The following EXOC2 variants were observed in gnomAD, a reference collection of about 807,000 sequenced individuals.
EXOC2 encodes the protein exocyst complex component 2.
EXOC2 carries 70 observed loss-of-function variants against 131.8 expected under a neutral mutation model. The observed-to-expected ratio is 0.53, with a 90% CI of 0.44 to 0.65. The LOEUF is 0.65. Among genes scored for constraint, EXOC2 ranks in the 30% least tolerant of loss-of-function variants. EXOC2 has a pLI of 0.00. For synonymous variants in EXOC2, 411 were observed against 398.4 expected (o/e 1.03, Z -0.38); for missense variants, 923 against 1,108.6 (o/e 0.83, Z 2.38).
intron 25 of EXOC2, among the ~76,000 whole-genome samples, chr6:496,450 G>A (rs775523251): frequency 3.3e-5 from 5 of 152,110 alleles, no homozygotes; most frequent in African/African-American, 9.7e-5. Flanking sequence ...TCTAGCCTTC[G>A]CTGGGCTGGC....
chr6:560,770 C>T (rs772917582), intron 17 of EXOC2, among the ~76,000 whole-genome samples: 27 of 151,264 alleles, frequency 1.8e-4, no homozygotes, highest in Non-Finnish European at 3.5e-4. Context: ...TGCAATGGCG[C>T]GGTCTCGGCT....
At chr6:618,006 C>A (rs182117178) in intron 5 of EXOC2, among the ~76,000 whole-genome samples, 171 bp from the exon 6 acceptor site, 1 of 152,334 alleles carries the variant, frequency 6.6e-6, no homozygotes, top group Admixed American at 6.5e-5. Context: ...TTGCGTAGAT[C>A]TAAACCTTTT....
chr6:553,866 G>A lies in EXOC2; in HGVS notation c.2109C>T (p.Phe703=), dbSNP rs1554127363. ...TCGTCTGACTTACTGAGGTCAAGCT[G>A]AAGTCTTCATGGATACTTCCAAACA... is the stretch of plus-strand genomic sequence containing the variant. ...PDLFGSIHED[F]SLTSEQRLLI... Residue 703 remains phenylalanine (F), a synonymous_variant, in exon 21 of 28, where the codon TTC becomes TTT. Coordinates refer to ENST00000230449, the MANE Select transcript of EXOC2 (RefSeq NM_018303.6). 14 of 1,613,734 alleles carry A rather than the reference G, an allele frequency of 8.7e-6. No homozygotes were observed. The highest frequency in any genetic ancestry group is 8.5e-7 in the Non-Finnish European group (1 of 1,179,794).
intron 1 of EXOC2, among the ~76,000 whole-genome samples, chr6:683,022 AG>A (rs1764484616): frequency 6.6e-6 from 1 of 152,186 alleles, no homozygotes. Context: ...AGGAGTGAAA[AG>A]GTACCAGGAG....
chr6:638,288 T>G (rs919682023), intron 1 of EXOC2, among the ~76,000 whole-genome samples: 1 of 152,254 alleles, frequency 6.6e-6, no homozygotes, highest in Admixed American at 6.5e-5. Flanking sequence ...ACAGGTGTAC[T>G]GAATTTCAGT....
rs1581268075 is a variant in EXOC2 at position 485,271 on chromosome 6, A to G, written c.*1400T>C. 1 of 152,376 alleles carries G rather than the reference A, an allele frequency of 6.6e-6. No homozygotes were observed. Among genetic ancestry groups the G allele is most frequent in the African/African-American group, 2.4e-5 (1 of 41,596 alleles). The allele number at this position is 152,376 out of a possible 1,614,324, so 9.4% of individuals were successfully genotyped here. ...AGTTGAGTTAGATACAACAGTTAAC[A>G]TACTTAGGAAAGACAATTCTTAACA... On this transcript the variant is annotated 3_prime_UTR_variant, in exon 28 of 28. Coordinates refer to ENST00000230449, the MANE Select transcript of EXOC2 (RefSeq NM_018303.6).
intron 25 of EXOC2, among the ~76,000 whole-genome samples, chr6:497,031 C>T (rs1763783000): frequency 6.6e-6 from 1 of 151,826 alleles, no homozygotes; most frequent in Non-Finnish European, 1.5e-5. Flanking sequence ...TTTCAAAAGA[C>T]TTATTAAAAG....
At chr6:508,466 C>A (rs1407619311) in intron 23 of EXOC2, among the ~76,000 whole-genome samples, 2 of 152,180 alleles carry the variant, frequency 1.3e-5, no homozygotes, top group Admixed American at 6.5e-5. Flanking sequence ...CCCCAGTAAC[C>A]CCCGACAACC....
intron 7 of EXOC2, among the ~76,000 whole-genome samples, chr6:600,662 A>T (rs1760081722): frequency 6.6e-6 from 1 of 152,142 alleles, no homozygotes; most frequent in Non-Finnish European, 1.5e-5. Context: ...AAAGTCGTAA[A>T]ATATTATCAA....
At chr6:658,665 A>ATATATT (rs1374453663) in intron 1 of EXOC2, among the ~76,000 whole-genome samples, 2 of 115,546 alleles carry the variant, frequency 1.7e-5, no homozygotes, top group African/African-American at 3.3e-5. Flanking sequence ...ATATATATAT[A>ATATATT]TTTTTTTTTT....
intron 1 of EXOC2, among the ~76,000 whole-genome samples, chr6:682,888 A>G (rs965097580): frequency 1.2e-4 from 18 of 152,226 alleles, no homozygotes; most frequent in African/African-American, 4.3e-4. Flanking sequence ...CCATAAACAC[A>G]GAACCCCAAA....
At chr6:654,803 C>CAAAAAAAAAAAAAAAAAAAAA (rs66637987) in intron 1 of EXOC2, among the ~76,000 whole-genome samples, 1 of 29,558 alleles carries the variant, frequency 3.4e-5, no homozygotes, top group African/African-American at 9.5e-5. Flanking sequence ...GACCCTGTCT[C>CAAAAAAAAAAAAAAAAAAAAA]AAAAAAAAAA....
At chr6:624,864 A>C in intron 4 of EXOC2, among the ~76,000 whole-genome samples, 1 of 152,216 alleles carries the variant, frequency 6.6e-6, no homozygotes, top group East Asian at 1.9e-4. Context: ...CGGATTCTAC[A>C]TTTCCAAGTG....
chr6:516,353 T>C (rs2127514193), intron 23 of EXOC2, among the ~76,000 whole-genome samples: 1 of 152,284 alleles, frequency 6.6e-6, no homozygotes, highest in Admixed American at 6.5e-5. Context: ...TGATCCAAAC[T>C]GCAGCGCTCG....
At chr6:549,001 G>A (rs980578380) in intron 22 of EXOC2, among the ~76,000 whole-genome samples, 174 bp downstream of exon 22, 2 of 152,180 alleles carry the variant, frequency 1.3e-5, no homozygotes, top group African/African-American at 4.8e-5. Flanking sequence ...GGTGAACCAT[G>A]GGAAGGAAGG....
At chr6:532,945 T>C (rs556431792) in intron 22 of EXOC2, among the ~76,000 whole-genome samples, 2 of 152,274 alleles carry the variant, frequency 1.3e-5, no homozygotes, top group Admixed American at 1.3e-4. Context: ...TCAGGAAACT[T>C]ACAGTCTTGG....
intron 26 of EXOC2, among the ~76,000 whole-genome samples, chr6:490,215 C>T (rs1046966262): frequency 6.6e-6 from 1 of 152,192 alleles, no homozygotes; most frequent in African/African-American, 2.4e-5. Context: ...AAAAGCTTGC[C>T]TAGAATATTT....
intron 11 of EXOC2, among the ~76,000 whole-genome samples, chr6:582,217 T>G (rs1758944152): frequency 6.9e-6 from 1 of 145,628 alleles, no homozygotes; most frequent in Non-Finnish European, 1.5e-5. Flanking sequence ...GCTGTGCAAG[T>G]CTTTCTGATT....
chr6:545,153 C>CAAAAA (rs36051866), intron 22 of EXOC2, among the ~76,000 whole-genome samples: 2 of 85,466 alleles, frequency 2.3e-5, no homozygotes, highest in Non-Finnish European at 4.3e-5. Context: ...GACTCCGTCT[C>CAAAAA]AAAAAAAAAA....
Sources: gnomAD v4.1 joint callset for allele counts (sites outside exome capture counted in the v4.1 genomes callset) on GRCh38, gnomAD v4.1.1 for gene constraint, MANE v1.5 for transcripts, NCBI Gene and HGNC (gene_info 2026-07-23, HGNC 2026-07-21) for gene names.